Variants in ATOH8 observed in about 807,000 individuals in gnomAD.
ATOH8 encodes atonal bHLH transcription factor 8.
In ATOH8, 9 loss-of-function variants were observed where a neutral mutation model predicts 21.2. The observed-to-expected ratio is 0.42, with a 90% CI of 0.26 to 0.74. The LOEUF is 0.74. Among genes scored for constraint, ATOH8 ranks in the 30% least tolerant of loss-of-function variants. ATOH8 has a pLI of 0.24. For missense variants in ATOH8, 524 were observed against 470.9 expected, an observed-to-expected ratio of 1.11 and a Z score of -1.04; for synonymous variants, 253 against 224.0, an observed-to-expected ratio of 1.13 and a Z score of -1.16.
rs1371167276 is a variant in ATOH8 at position 85,785,235 on chromosome 2, G to A, written c.961-1650G>A. ...GGCCCGCCCAGGCAGCCAGCGCCGG[G>A]ATGACGCGAGCTGTAAATCACCCCG... On this transcript the variant is annotated intron_variant, in intron 2 of 2. Transcript: ENST00000306279. The surrounding 1 kb of genome is among the most constrained non-coding windows in gnomAD (Gnocchi z 4.1). Among the ~76,000 whole-genome samples, 1 of 152,248 alleles carries A rather than the reference G, an allele frequency of 6.6e-6. No individual in the cohort carries two copies. The highest frequency in any genetic ancestry group is 1.9e-4 in the East Asian group (1 of 5,200).
At chr2:85,771,276 G>A (rs1461028299) in intron 2 of ATOH8, among the ~76,000 whole-genome samples, 2 of 152,136 alleles carry the variant, frequency 1.3e-5, no homozygotes, top group Non-Finnish European at 2.9e-5. Flanking sequence ...TGTGGCCTTG[G>A]GCATGTTATT....
intron 2 of ATOH8, among the ~76,000 whole-genome samples, chr2:85,779,693 A>G (rs1680431432): frequency 1.3e-5 from 2 of 152,214 alleles, no homozygotes; most frequent in Admixed American, 1.3e-4. Context: ...GCCCTGCTGC[A>G]TCCTAGCAAT....
chr2:85,764,043 T>C lies in ATOH8; in HGVS notation c.821T>C (p.Ile274Thr). ...CTGTCCAAACTGGCCATCCTGAGGA[T>C]CGCCTGTAACTACATCCTGTCCCTG... ...QKLSKLAILR[I>T]ACNYILSLAR... The change falls in exon 2 of 3, where the codon ATC becomes ACC. Residue 274 changes from isoleucine to threonine, a missense_variant. Ile to Thr is a moderately conservative substitution (Grantham distance 89). Transcript: ENST00000306279. The C allele has an allele frequency of 6.2e-7, 1 of 1,614,150 alleles. No individual in the cohort carries two copies. The highest frequency in any genetic ancestry group is 8.5e-7 in the Non-Finnish European group (1 of 1,180,036).
At chr2:85,782,650 G>A (rs912540389) in intron 2 of ATOH8, among the ~76,000 whole-genome samples, 7 of 151,940 alleles carry the variant, frequency 4.6e-5, no homozygotes, top group African/African-American at 1.7e-4. Flanking sequence ...GTGACCAAAA[G>A]TAGCTATGAT....
intron 2 of ATOH8, among the ~76,000 whole-genome samples, chr2:85,778,588 C>T (rs1396645496): frequency 1.3e-5 from 2 of 152,216 alleles, no homozygotes; most frequent in East Asian, 1.9e-4. Flanking sequence ...AGCCGGGCTC[C>T]GTCCTGGGAG....
chr2:85,781,567 A>C (rs1558617881), intron 2 of ATOH8, among the ~76,000 whole-genome samples: 2 of 151,802 alleles, frequency 1.3e-5, no homozygotes, highest in Non-Finnish European at 2.9e-5. Flanking sequence ...CTCTGACTGA[A>C]AAATAAATAA....
intron 2 of ATOH8, among the ~76,000 whole-genome samples, chr2:85,770,187 G>A (rs1307460235): frequency 6.6e-6 from 1 of 151,216 alleles, no homozygotes; most frequent in East Asian, 1.9e-4. Flanking sequence ...CAACCCTTGA[G>A]GTGGGGGACT....
rs1409502760 is a variant in ATOH8 at position 85,788,198 on chromosome 2, T to A, written c.*1308T>A. 3.3e-5 allele frequency: 5 copies of A among 151,044 alleles called. No homozygotes were observed. Among genetic ancestry groups the A allele is most frequent in the African/African-American group, 9.8e-5 (4 of 40,976 alleles). 9.4% of individuals were successfully genotyped at this position (151,044 alleles called of 1,614,324 possible). Reference sequence around the variant, plus strand: ...GGATCAGGCGCTGTCCGAGTGAGAGTGTGTGTGTCTGTGTGTGGAAGGGGG... The same window carrying A: ...GGATCAGGCGCTGTCCGAGTGAGAGAGTGTGTGTCTGTGTGTGGAAGGGGG... On this transcript the variant is annotated 3_prime_UTR_variant, in exon 3 of 3. Transcript: ENST00000306279.
intron 1 of ATOH8, 88 bp downstream of exon 1, chr2:85,755,045 G>C: frequency 6.9e-7 from 1 of 1,449,122 alleles, no homozygotes; most frequent in Non-Finnish European, 9.0e-7. Context: ...ATAGAGGTGT[G>C]TTTAAGGGGC....
intron 2 of ATOH8, among the ~76,000 whole-genome samples, chr2:85,772,052 C>T (rs1680197285): frequency 6.6e-6 from 1 of 152,272 alleles, no homozygotes; most frequent in Non-Finnish European, 1.5e-5. Flanking sequence ...AGGCCCCCAG[C>T]AAGTGCCTGG....
Position 85,790,067 on chromosome 2 carries a change from C to T in ATOH8, c.*3177C>T, listed in dbSNP as rs934744117. 5.3e-5 allele frequency among the ~76,000 whole-genome samples: 8 copies of T among 152,196 alleles called. No homozygotes were observed. Among genetic ancestry groups the T allele is most frequent in the Non-Finnish European group, 1.2e-4 (8 of 68,050 alleles). On this transcript the variant is annotated 3_prime_UTR_variant, in exon 3 of 3. Coordinates refer to ENST00000306279, the MANE Select transcript of ATOH8 (RefSeq NM_032827.7). Reference sequence around the variant, plus strand: ...TTCTAAACACTTTTATGCAAGCAGCCATTCAAGGAGACCCTCAGCAAAATA... The same window carrying T: ...TTCTAAACACTTTTATGCAAGCAGCTATTCAAGGAGACCCTCAGCAAAATA...
At chr2:85,755,240 T>C (rs1167722297) in intron 1 of ATOH8, among the ~76,000 whole-genome samples, 1 of 152,210 alleles carries the variant, frequency 6.6e-6, no homozygotes, top group African/African-American at 2.4e-5. Flanking sequence ...AGTTCACTTT[T>C]ATGGCAGCGA....
At chr2:85,786,440 T>C (rs922977215) in intron 2 of ATOH8, among the ~76,000 whole-genome samples, 4 of 152,010 alleles carry the variant, frequency 2.6e-5, no homozygotes, top group African/African-American at 4.8e-5. Flanking sequence ...ACAACTAGAG[T>C]GGGCCTTGTG....
rs1430030056 is a variant in ATOH8, at chr2:85,754,538, G to A, written c.349G>A (p.Val117Met). ...ARKRCFALGA[V>M]GPGLPTPPPP... ...GAAACGCTGCTTCGCCCTAGGCGCA[G>A]TGGGGCCAGGACTCCCCACGCCGCC... The change falls in exon 1 of 3, where the codon GTG becomes ATG. Residue 117 changes from valine (V) to methionine (M), a missense_variant. Physicochemically the swap from Val to Met is conservative, Grantham distance 21. Transcript: ENST00000306279. 4 of 1,430,652 alleles carry A rather than the reference G, an allele frequency of 2.8e-6. No homozygotes were observed. Among genetic ancestry groups the A allele is most frequent in the African/African-American group, 3.0e-5 (2 of 66,100 alleles). 88.6% of individuals were successfully genotyped at this position (1,430,652 alleles called of 1,614,324 possible).
At chr2:85,776,503 G>A (rs1680325217) in intron 2 of ATOH8, among the ~76,000 whole-genome samples, 2 of 152,238 alleles carry the variant, frequency 1.3e-5, no homozygotes, top group South Asian at 2.1e-4. Context: ...AGGAAGGTGG[G>A]CAGAGGGACT....
At chr2:85,780,539 G>A (rs1256103860) in intron 2 of ATOH8, 1 of 152,370 alleles carries the variant, frequency 6.6e-6, no homozygotes, top group Non-Finnish European at 1.5e-5. Flanking sequence ...CTCCTCTCTG[G>A]TGAGCAGCCT....
chr2:85,778,796 C>T (rs1008283267), intron 2 of ATOH8, among the ~76,000 whole-genome samples: 3 of 152,238 alleles, frequency 2.0e-5, no homozygotes, highest in Admixed American at 6.5e-5. Flanking sequence ...TGATGGGGAC[C>T]CTCCACCGTG....
At chr2:85,771,424 C>T (rs964286493) in intron 2 of ATOH8, among the ~76,000 whole-genome samples, 1 of 152,164 alleles carries the variant, frequency 6.6e-6, no homozygotes, top group African/African-American at 2.4e-5. Context: ...GAGGAAATCT[C>T]ATGAATTTAT....
At position 85,785,167 on chromosome 2, in the gene ATOH8, C is replaced by T. The variant is rs754962225; in HGVS notation, c.961-1718C>T. Among the ~76,000 whole-genome samples the T allele has an allele frequency of 6.6e-6, 1 of 152,218 alleles. No individual in the cohort carries two copies. Reference sequence around the variant, plus strand: ...CAGCCTCCCCTTCTTCCTCAGGCCACGGGCAGGCTGAACAAGAGAAAAACC... The same window carrying T: ...CAGCCTCCCCTTCTTCCTCAGGCCATGGGCAGGCTGAACAAGAGAAAAACC... On this transcript the variant is annotated intron_variant, in intron 2 of 2. Transcript: ENST00000306279. This position sits in a 1 kb window ranked among gnomAD's most constrained non-coding sequence, Gnocchi z 4.1.
Sources: allele counts gnomAD v4.1 joint callset (sites outside exome capture counted in the v4.1 genomes callset), GRCh38; gene constraint gnomAD v4.1.1; non-coding constraint Gnocchi (gnomAD v3.1); transcripts MANE v1.5; gene names NCBI Gene and HGNC (gene_info 2026-07-23, HGNC 2026-07-21).